The following LCA5 variants were observed in gnomAD, a reference collection of about 807,000 sequenced individuals.
The protein encoded by LCA5 is lebercilin LCA5, also known as lebercilin.
LCA5 carries 37 observed loss-of-function variants against 53.0 expected under a neutral mutation model. The observed-to-expected ratio is 0.70, with a 90% CI of 0.54 to 0.92. The LOEUF is 0.92. Ranked by LOEUF, LCA5 falls within the 40% of genes least tolerant of loss-of-function variation. LCA5 has a pLI of 0.00. For missense variants in LCA5, 806 were observed against 790.5 expected (o/e 1.02, Z -0.23); for synonymous variants, 303 against 282.9 (o/e 1.07, Z -0.71).
chr6:79,491,795 C>T (rs1010649584), intron 5 of LCA5, 65 bp from the exon 6 acceptor site: 16 of 1,412,832 alleles, frequency 1.1e-5, no homozygotes, highest in Non-Finnish European at 1.5e-5. Flanking sequence ...TGGAATTCAG[C>T]TGGCATGTAT....
upstream of LCA5, among the ~76,000 whole-genome samples, chr6:79,537,651 C>A (rs528808718): frequency 6.6e-6 from 1 of 152,136 alleles, no homozygotes; most frequent in Non-Finnish European, 1.5e-5. Context: ...ACGGGCTGTG[C>A]GGTGCCAGGG....
intron 3 of LCA5, among the ~76,000 whole-genome samples, chr6:79,508,638 A>G (rs929422720): frequency 6.6e-6 from 1 of 152,116 alleles, no homozygotes; most frequent in Non-Finnish European, 1.5e-5. Flanking sequence ...AGAAAAAAAA[A>G]AACACCACCA....
rs1349681091 is a variant in LCA5 at position 79,485,282 on chromosome 6, A to C, written c.*1722T>G. The C allele has an allele frequency of 1.3e-5, 2 of 152,582 alleles. No homozygotes were observed. The highest frequency in any genetic ancestry group is 6.5e-5 in the Admixed American group (1 of 15,278). The allele number at this position is 152,582 out of a possible 1,614,324, so 9.5% of individuals were successfully genotyped here. On this transcript the variant is annotated 3_prime_UTR_variant, in exon 8 of 8. Transcript: ENST00000369846. Reference sequence around the variant, plus strand: ...ATAAAAAACTTAACTAAAAAGTTTTAAAAGCCTTTAAAACAACCTGAAAAT... The same window carrying C: ...ATAAAAAACTTAACTAAAAAGTTTTCAAAGCCTTTAAAACAACCTGAAAAT...
intron 6 of LCA5, among the ~76,000 whole-genome samples, chr6:79,491,256 A>C (rs923676082): frequency 2.8e-4 from 43 of 152,078 alleles, no homozygotes; most frequent in African/African-American, 1.0e-3. Flanking sequence ...TGTAAACTAA[A>C]ACACTCAAGC....
intron 1 of LCA5, among the ~76,000 whole-genome samples, chr6:79,528,643 A>C (rs1766864739): frequency 6.6e-6 from 1 of 152,210 alleles, no homozygotes; most frequent in Non-Finnish European, 1.5e-5. Flanking sequence ...CCGAAACCAA[A>C]TACTTGCTAG....
rs1330846107 is a variant in LCA5 at position 79,486,404 on chromosome 6, C to A, written c.*600G>T. The A allele has an allele frequency of 1.3e-5, 2 of 152,224 alleles. No homozygotes were observed. The highest frequency in any genetic ancestry group is 2.4e-5 in the African/African-American group (1 of 41,450). The allele number at this position is 152,224 out of a possible 1,614,324, so 9.4% of individuals were successfully genotyped here. On this transcript the variant is annotated 3_prime_UTR_variant, in exon 8 of 8. Transcript: ENST00000369846. ...TGTAGGTAAGTGATTTCAGTAAATACTGAAATTGGGAAATGAGTAGTGTTT... is the reference window on the plus strand; with the variant it reads ...TGTAGGTAAGTGATTTCAGTAAATAATGAAATTGGGAAATGAGTAGTGTTT...
intron 3 of LCA5, among the ~76,000 whole-genome samples, chr6:79,508,780 T>A (rs1209067517): frequency 6.6e-6 from 1 of 152,180 alleles, no homozygotes; most frequent in Non-Finnish European, 1.5e-5. Flanking sequence ...AAATGAAACA[T>A]CACAATCAAG....
intron 3 of LCA5, 68 bp downstream of exon 3, chr6:79,513,144 G>A (rs753223821): frequency 7.0e-7 from 1 of 1,435,268 alleles, no homozygotes; most frequent in East Asian, 2.3e-5. Flanking sequence ...GCAATTTTAA[G>A]AGAGCACATT....
At position 79,499,851 on chromosome 6, in the gene LCA5, C is replaced by T. The variant is rs1185685644; in HGVS notation, c.721-6101G>A. ...CTAATGCTATCCCTCCCCCACTCCC[C>T]CCACCCCACAACAGTCCCCAGAGTG... On this transcript the variant is annotated intron_variant, in intron 3 of 7. Transcript: ENST00000369846. Among the ~76,000 whole-genome samples, 3 of 151,396 alleles carry T rather than the reference C, an allele frequency of 2.0e-5. No individual in the cohort carries two copies. The East Asian group carries it at 5.8e-4, about 29-fold the overall frequency.
rs1285541732 is a variant in LCA5, at chr6:79,518,851, T to C, written c.44A>G (p.Lys15Arg). The change falls in exon 2 of 8, where the codon AAG becomes AGG. Residue 15 changes from lysine (K) to arginine (R), a missense_variant. Coordinates refer to ENST00000369846, the MANE Select transcript of LCA5 (RefSeq NM_001122769.3). ...AGSPGTDQER[K>R]AGKHHYSYLS... is the part of the protein sequence containing the mutation. ...GTAAGAATAATGGTGTTTGCCTGCC[T>C]TTCTTTCTTGATCAGTACCTGGACT... 2.0e-5 allele frequency: 32 copies of C among 1,613,988 alleles called. No homozygotes were observed. Among genetic ancestry groups the C allele is most frequent in the Middle Eastern group, 1.6e-4 (1 of 6,084 alleles).
chr6:79,512,180 C>T lies in LCA5; in HGVS notation c.720+1032G>A, dbSNP rs1202059446. 3.3e-5 allele frequency among the ~76,000 whole-genome samples: 5 copies of T among 152,036 alleles called. No homozygotes were observed. The East Asian group carries it at 7.7e-4, about 23-fold the overall frequency. ...GTTTACGGTAACTGTTCTGAGTCCCCACTCCTACCCTACTTCATGGGTAAG... is the reference window on the plus strand; with the variant it reads ...GTTTACGGTAACTGTTCTGAGTCCCTACTCCTACCCTACTTCATGGGTAAG... On this transcript the variant is annotated intron_variant, in intron 3 of 7. Transcript: ENST00000369846.
rs1241585396 is a variant in LCA5, at chr6:79,487,283, C to T, written c.1815G>A (p.Met605Ile). ...TACCACTGGCACCAAATAACTGTTCCATCAAATTAGCTTTTTTCTCTTTTC... is the reference window on the plus strand; with the variant it reads ...TACCACTGGCACCAAATAACTGTTCTATCAAATTAGCTTTTTTCTCTTTTC... The part of the protein sequence containing the change: ...ITRKEKKANL[M>I]EQLFGASGSS... The change falls in exon 8 of 8, where the codon ATG becomes ATA. Residue 605 changes from methionine (M) to isoleucine (I), a missense_variant. Coordinates refer to ENST00000369846, the MANE Select transcript of LCA5 (RefSeq NM_001122769.3). 3 of 1,613,916 alleles carry T rather than the reference C, an allele frequency of 1.9e-6. No homozygotes were observed. Among genetic ancestry groups the T allele is most frequent in the Non-Finnish European group, 2.5e-6 (3 of 1,179,950 alleles).
intron 5 of LCA5, among the ~76,000 whole-genome samples, 176 bp downstream of exon 5, chr6:79,492,375 T>C (rs1444827418): frequency 6.6e-6 from 1 of 151,798 alleles, no homozygotes; most frequent in Non-Finnish European, 1.5e-5. Flanking sequence ...GGGAAAAAAA[T>C]GGAGAAAACA....
intron 3 of LCA5, among the ~76,000 whole-genome samples, chr6:79,508,425 T>C (rs1030496398): frequency 1.3e-5 from 2 of 152,112 alleles, no homozygotes; most frequent in Non-Finnish European, 2.9e-5. Context: ...TGGCGAAGTT[T>C]TTCACAGCTC....
chr6:79,530,574 T>A (rs962044285), intron 1 of LCA5, among the ~76,000 whole-genome samples: 2 of 152,154 alleles, frequency 1.3e-5, no homozygotes, highest in South Asian at 4.1e-4. Context: ...TTCTGATTAT[T>A]TAGGTTCTAT....
Position 79,485,523 on chromosome 6 carries a change from TGAAAG to T in LCA5, c.*1476_*1480del, listed in dbSNP as rs1769625652. 1 of 152,410 alleles carries T rather than the reference TGAAAG, an allele frequency of 6.6e-6. No homozygotes were observed. Among genetic ancestry groups the T allele is most frequent in the African/African-American group, 2.4e-5 (1 of 41,458 alleles). 9.4% of individuals were successfully genotyped at this position (152,410 alleles called of 1,614,324 possible). On this transcript the variant is annotated 3_prime_UTR_variant, in exon 8 of 8. Coordinates refer to ENST00000369846, the MANE Select transcript of LCA5 (RefSeq NM_001122769.3). ...TTTGAGAGATTCTGTTCCCAATAAA[TGAAAG>T]GAACACAATTTAGAAGATGACAGGT... is the stretch of plus-strand genomic sequence containing the variant.
At chr6:79,510,566 A>T (rs1313582270) in intron 3 of LCA5, among the ~76,000 whole-genome samples, 1 of 152,196 alleles carries the variant, frequency 6.6e-6, no homozygotes, top group Admixed American at 6.5e-5. Context: ...AGCACAATCC[A>T]TAAGAGATGT....
intron 1 of LCA5, among the ~76,000 whole-genome samples, chr6:79,522,606 C>A (rs949948389): frequency 5.9e-5 from 9 of 152,086 alleles, no homozygotes; most frequent in Non-Finnish European, 1.3e-4. Flanking sequence ...AAGAAACAAC[C>A]ACCAAGTGCA....
chr6:79,531,513 G>A (rs1232643572), intron 1 of LCA5, among the ~76,000 whole-genome samples: 3 of 152,006 alleles, frequency 2.0e-5, no homozygotes, highest in East Asian at 3.9e-4. Flanking sequence ...ACTTCTTTCC[G>A]ACCATTTCCT....
Sources: allele counts gnomAD v4.1 joint callset (sites outside exome capture counted in the v4.1 genomes callset), GRCh38; gene constraint gnomAD v4.1.1; transcripts MANE v1.5; gene names NCBI Gene and HGNC (gene_info 2026-07-23, HGNC 2026-07-21).